BABAM2: variants seen among roughly 807,000 people sequenced by gnomAD.
The protein encoded by BABAM2 is BRISC and BRCA1 A complex member 2.
In BABAM2, 31 loss-of-function variants were observed where a neutral mutation model predicts 54.7. That is an observed-to-expected ratio of 0.57 (90% CI 0.43 to 0.77). BABAM2 has a LOEUF of 0.77. Among genes scored for constraint, BABAM2 ranks in the 30% least tolerant of loss-of-function variants. The probability of loss-of-function intolerance (pLI) is 0.00; values close to 1 mark genes in which losing one functional copy is unlikely to be tolerated. For synonymous variants in BABAM2, 167 were observed against 162.9 expected, an observed-to-expected ratio of 1.03 and a Z score of -0.19; for missense variants, 364 against 455.8, an observed-to-expected ratio of 0.80 and a Z score of 1.83.
Position 28,057,492 on chromosome 2 carries a change from A to C in BABAM2, c.570+11693A>C, listed in dbSNP as rs538050461. On this transcript the variant is annotated intron_variant, in intron 6 of 11. Coordinates refer to ENST00000379624, the MANE Select transcript of BABAM2 (RefSeq NM_199191.3). ...TTATGGGATGTGATCACTACAGGTG[A>C]CCATTTTTTTTTTTTAATCTGGAAC... Among the ~76,000 whole-genome samples, 8 of 151,116 alleles carry C rather than the reference A, an allele frequency of 5.3e-5. No individual in the cohort carries two copies. In the East Asian group the frequency reaches 1.6e-3, roughly 29 times the overall value.
intron 11 of BABAM2, among the ~76,000 whole-genome samples, chr2:28,300,206 T>C (rs545982476): frequency 2.0e-5 from 3 of 152,310 alleles, no homozygotes; most frequent in Non-Finnish European, 4.4e-5. Context: ...CCCAAAGTGC[T>C]AGGATTACAG....
At chr2:28,033,507 G>A (rs1482420973) in intron 5 of BABAM2, among the ~76,000 whole-genome samples, 1 of 152,106 alleles carries the variant, frequency 6.6e-6, no homozygotes, top group Non-Finnish European at 1.5e-5. Context: ...AGAGGGCTAA[G>A]CATGCTAGCA....
intron 7 of BABAM2, among the ~76,000 whole-genome samples, chr2:28,162,162 G>T (rs13401691): frequency 6.6e-6 from 1 of 152,032 alleles, no homozygotes; most frequent in African/African-American, 2.4e-5. Context: ...TTGAAATACC[G>T]TATTTTGTCT....
chr2:28,130,961 G>A (rs1003330663), intron 7 of BABAM2, among the ~76,000 whole-genome samples: 5 of 151,656 alleles, frequency 3.3e-5, no homozygotes, highest in South Asian at 2.1e-4. Context: ...AGCTGGTCTC[G>A]AACTCCTGAC....
intron 3 of BABAM2, among the ~76,000 whole-genome samples, chr2:27,937,693 TATATTCCAC>T: frequency 6.6e-6 from 1 of 152,368 alleles, no homozygotes; most frequent in Non-Finnish European, 1.5e-5. Flanking sequence ...GAATTCTTTA[TATATTCCAC>T]ATATTAACCT....
rs1464895720 is a variant in BABAM2 at position 28,329,514 on chromosome 2, C to A, written c.1089-8936C>A. Reference sequence around the variant, plus strand: ...AAAGGGGCTATCACCACTGACCCCACAGAAATACAAACAACCATCAGAGAA... The same window carrying A: ...AAAGGGGCTATCACCACTGACCCCAAAGAAATACAAACAACCATCAGAGAA... On this transcript the variant is annotated intron_variant, in intron 11 of 11. Transcript: ENST00000379624. The surrounding 1 kb of genome is among the most constrained non-coding windows in gnomAD (Gnocchi z 4.2). Among the ~76,000 whole-genome samples the A allele has an allele frequency of 3.3e-5, 5 of 152,202 alleles. No individual in the cohort carries two copies. In the East Asian group the frequency reaches 9.6e-4, roughly 29 times the overall value.
At chr2:28,028,924 G>A (rs1382957973) in intron 5 of BABAM2, among the ~76,000 whole-genome samples, 2 of 151,856 alleles carry the variant, frequency 1.3e-5, no homozygotes, top group Non-Finnish European at 2.9e-5. Flanking sequence ...ATGCCACCAC[G>A]CCCGGCTAAT....
intron 9 of BABAM2, 121 bp downstream of exon 9, chr2:28,241,514 T>C (rs1389041234): frequency 2.3e-6 from 2 of 877,442 alleles, no homozygotes; most frequent in Non-Finnish European, 3.6e-6. Flanking sequence ...TTTTTTTTTT[T>C]GAGACAGTCT....
At chr2:27,891,180 G>A (rs1010430467) in intron 1 of BABAM2, 3 of 152,212 alleles carry the variant, frequency 2.0e-5, no homozygotes, top group African/African-American at 7.2e-5. Context: ...CATTCTTCGG[G>A]TCTGAGCTAA....
chr2:28,008,275 A>G (rs1013581163), intron 4 of BABAM2, among the ~76,000 whole-genome samples: 1 of 152,176 alleles, frequency 6.6e-6, no homozygotes, highest in African/African-American at 2.4e-5. Flanking sequence ...CATGACACCA[A>G]TAAACACCTG....
intron 5 of BABAM2, among the ~76,000 whole-genome samples, chr2:28,045,387 T>A (rs187769641): frequency 6.6e-5 from 10 of 152,354 alleles, no homozygotes; most frequent in Admixed American, 5.2e-4. Flanking sequence ...GGTAGGTCTG[T>A]CTTTATTGTT....
At chr2:28,100,404 G>A (rs928400174) in intron 6 of BABAM2, among the ~76,000 whole-genome samples, 4 of 143,266 alleles carry the variant, frequency 2.8e-5, no homozygotes, top group Non-Finnish European at 6.0e-5. Flanking sequence ...AGGTTGCAGT[G>A]AGACGAGACC....
chr2:28,282,861 T>A (rs1686481406), intron 10 of BABAM2, among the ~76,000 whole-genome samples: 1 of 151,706 alleles, frequency 6.6e-6, no homozygotes, highest in African/African-American at 2.4e-5. Context: ...TAGCTGGGCA[T>A]GGTGGTGGGC....
At chr2:27,965,517 T>C (rs1425328950) in intron 3 of BABAM2, among the ~76,000 whole-genome samples, 1 of 152,290 alleles carries the variant, frequency 6.6e-6, no homozygotes, top group East Asian at 1.9e-4. Flanking sequence ...CATCCATAAG[T>C]ATTCAGTATG....
intron 3 of BABAM2, among the ~76,000 whole-genome samples, chr2:27,935,298 A>T (rs1668410815): frequency 6.6e-6 from 1 of 152,238 alleles, no homozygotes; most frequent in Non-Finnish European, 1.5e-5. Flanking sequence ...ACTGTTGAGA[A>T]CTACTGCTCA....
intron 7 of BABAM2, among the ~76,000 whole-genome samples, chr2:28,139,404 A>C (rs1670853531): frequency 1.3e-5 from 2 of 151,056 alleles, no homozygotes; most frequent in Admixed American, 6.6e-5. Flanking sequence ...CCCTGCCTCT[A>C]CTAAAAATGC....
At chr2:27,935,085 T>C (rs1668395054) in intron 3 of BABAM2, among the ~76,000 whole-genome samples, 1 of 152,212 alleles carries the variant, frequency 6.6e-6, no homozygotes, top group Non-Finnish European at 1.5e-5. Flanking sequence ...AGGACTGTCA[T>C]AGTTAAGAAG....
intron 7 of BABAM2, among the ~76,000 whole-genome samples, chr2:28,171,567 T>G (rs1011442898): frequency 6.6e-6 from 1 of 152,176 alleles, no homozygotes; most frequent in African/African-American, 2.4e-5. Flanking sequence ...ATAAAGGCAT[T>G]TTTTAAGCAG....
intron 11 of BABAM2, among the ~76,000 whole-genome samples, chr2:28,323,672 A>G (rs1450830820): frequency 6.6e-6 from 1 of 152,112 alleles, no homozygotes; most frequent in Non-Finnish European, 1.5e-5. Context: ...ATGCGGGATG[A>G]TGTTACCTCC....
Sources: allele counts gnomAD v4.1 joint callset (sites outside exome capture counted in the v4.1 genomes callset), GRCh38; gene constraint gnomAD v4.1.1; non-coding constraint Gnocchi (gnomAD v3.1); transcripts MANE v1.5; gene names NCBI Gene and HGNC (gene_info 2026-07-23, HGNC 2026-07-21).